MYO3B: variants seen among roughly 807,000 people sequenced by gnomAD.
The protein encoded by MYO3B is myosin-IIIb.
A neutral mutation model predicts 174.6 loss-of-function variants in MYO3B; 156 were observed. The observed-to-expected ratio is 0.89, with a 90% CI of 0.78 to 1.02. MYO3B has a LOEUF of 1.02. Ranked by LOEUF, MYO3B falls within the 50% of genes least tolerant of loss-of-function variation. MYO3B has a pLI of 0.00. For missense variants in MYO3B, 1,632 were observed against 1,639.4 expected (o/e 1.00, Z 0.08); for synonymous variants, 563 against 569.1 (o/e 0.99, Z 0.15).
At chr2:170,550,022 G>T (rs1369035356) in intron 32 of MYO3B, among the ~76,000 whole-genome samples, 1 of 152,156 alleles carries the variant, frequency 6.6e-6, no homozygotes, top group Non-Finnish European at 1.5e-5. Flanking sequence ...CAAAGGCAAG[G>T]CTACTGGGCA....
intron 8 of MYO3B, among the ~76,000 whole-genome samples, chr2:170,347,685 A>G (rs760246347): frequency 1.3e-5 from 2 of 152,230 alleles, no homozygotes; most frequent in Non-Finnish European, 2.9e-5. Flanking sequence ...GGTCTGTGAC[A>G]TATTTCAATG....
At chr2:170,638,010 A>G (rs558190877) in intron 32 of MYO3B, among the ~76,000 whole-genome samples, 40 of 152,258 alleles carry the variant, frequency 2.6e-4, no homozygotes, top group African/African-American at 8.9e-4. Context: ...TATTAATTAA[A>G]TGCAAGAAAA....
Position 170,181,549 on chromosome 2 carries a change from G to C in MYO3B, c.2+3260G>C, listed in dbSNP as rs75654542. Among the ~76,000 whole-genome samples the C allele has an allele frequency of 9.6e-3, 1,459 of 152,184 alleles. 14 individuals are homozygous for C. Among genetic ancestry groups the C allele is most frequent in the Middle Eastern group, 0.041 (12 of 294 alleles). On this transcript the variant is annotated intron_variant, in intron 1 of 34. Coordinates refer to ENST00000408978, the MANE Select transcript of MYO3B (RefSeq NM_138995.5). ...ATTCGGTTTTTCACCATTAAGTGTG[G>C]TGTTAACTTCAGGTTTTTCCTAGAT...
intron 7 of MYO3B, among the ~76,000 whole-genome samples, chr2:170,295,456 T>G (rs1041878675): frequency 1.3e-5 from 2 of 151,958 alleles, no homozygotes; most frequent in Non-Finnish European, 2.9e-5. Flanking sequence ...TATACTATAT[T>G]GATTTAACGA....
At chr2:170,259,942 A>T (rs1035664811) in intron 7 of MYO3B, among the ~76,000 whole-genome samples, 6 of 152,018 alleles carry the variant, frequency 3.9e-5, no homozygotes, top group African/African-American at 1.2e-4. Flanking sequence ...AAGAAGACAC[A>T]CAAGCAGCCA....
chr2:170,649,371 A>ATAATATATATT (rs1287096981), intron 32 of MYO3B, among the ~76,000 whole-genome samples: 4,624 of 111,900 alleles, frequency 0.041, 548 homozygotes, highest in Non-Finnish European at 0.064. Flanking sequence ...ATTATATAAA[A>ATAATATATATT]ATATAAATAT....
At chr2:170,480,041 G>GTATATATATA (rs57069590) in intron 25 of MYO3B, among the ~76,000 whole-genome samples, 1 of 146,346 alleles carries the variant, frequency 6.8e-6, no homozygotes, top group South Asian at 2.1e-4. Context: ...GTGTGTGTGT[G>GTATATATATA]TATATATATA....
intron 16 of MYO3B, among the ~76,000 whole-genome samples, chr2:170,392,863 G>GTTTTTTTT (rs5836273): frequency 0.27 from 39,744 of 149,070 alleles, 5,474 homozygotes; most frequent in Non-Finnish European, 0.32. Context: ...AATACTGTGG[G>GTTTTTTTT]TTTTTTTTCT....
intron 7 of MYO3B, among the ~76,000 whole-genome samples, chr2:170,312,691 A>G (rs765275658): frequency 1.3e-5 from 2 of 152,208 alleles, no homozygotes; most frequent in Admixed American, 1.3e-4. Context: ...CACTTTTCTG[A>G]TTATTTTGCT....
chr2:170,619,737 C>CT (rs71412032), intron 32 of MYO3B, among the ~76,000 whole-genome samples: 1,149 of 50,674 alleles, frequency 0.023, 312 homozygotes, highest in East Asian at 0.085. Flanking sequence ...CTGCCATATT[C>CT]TTTTTTTTTT....
chr2:170,450,520 G>A (rs904597742), intron 23 of MYO3B, among the ~76,000 whole-genome samples: 4 of 151,536 alleles, frequency 2.6e-5, no homozygotes, highest in Admixed American at 2.6e-4. Flanking sequence ...AAGATCCTAT[G>A]AAGACAGCAT....
In MYO3B at chr2:170,474,837, A is replaced by G. The variant is rs190202971; in HGVS notation, c.3014+8126A>G. On this transcript the variant is annotated intron_variant, in intron 25 of 34. Transcript: ENST00000408978. ...ACTATTCTGTGTCCTAGAATAAATG[A>G]CAACAGTTCAGAAAGGTTCACCTTA... Among the ~76,000 whole-genome samples, 82 of 151,596 alleles carry G rather than the reference A, an allele frequency of 5.4e-4. 1 individual carries two copies. The East Asian group carries it at 0.015, about 28-fold the overall frequency.
At chr2:170,630,594 C>T (rs1259792302) in intron 32 of MYO3B, among the ~76,000 whole-genome samples, 1 of 152,184 alleles carries the variant, frequency 6.6e-6, no homozygotes, top group Non-Finnish European at 1.5e-5. Context: ...TAGCCTGCCT[C>T]CTCAAGTGGG....
intron 32 of MYO3B, among the ~76,000 whole-genome samples, chr2:170,627,370 C>A (rs920386322): frequency 7.2e-5 from 11 of 152,152 alleles, no homozygotes; most frequent in African/African-American, 2.7e-4. Flanking sequence ...GCATTCATCA[C>A]GTAGTTCTCT....
intron 32 of MYO3B, among the ~76,000 whole-genome samples, chr2:170,623,966 G>C (rs1170291970): frequency 3.3e-5 from 5 of 152,146 alleles, no homozygotes; most frequent in Admixed American, 2.6e-4. Context: ...TGCTATTTTG[G>C]TTACTGTAGC....
At chr2:170,556,585 G>C (rs1403711988) in intron 32 of MYO3B, among the ~76,000 whole-genome samples, 1 of 151,898 alleles carries the variant, frequency 6.6e-6, no homozygotes, top group Non-Finnish European at 1.5e-5. Flanking sequence ...ACAATGGCAC[G>C]ATCTTGGCTC....
intron 32 of MYO3B, among the ~76,000 whole-genome samples, chr2:170,586,386 G>A (rs1485054855): frequency 2.0e-5 from 3 of 152,164 alleles, no homozygotes; most frequent in African/African-American, 4.8e-5. Context: ...CCTCACCAAC[G>A]TGATTTATGT....
At chr2:170,263,711 C>T (rs779023326) in intron 7 of MYO3B, among the ~76,000 whole-genome samples, 16 of 152,198 alleles carry the variant, frequency 1.1e-4, no homozygotes, top group South Asian at 6.3e-4. Flanking sequence ...AACATACAAT[C>T]GGGTTTTACA....
intron 32 of MYO3B, among the ~76,000 whole-genome samples, chr2:170,598,209 C>T (rs1316991391): frequency 6.6e-6 from 1 of 152,190 alleles, no homozygotes; most frequent in Non-Finnish European, 1.5e-5. Flanking sequence ...GGAGAAAACG[C>T]AGTGCTCCTG....
Sources: gnomAD v4.1 joint callset for allele counts (sites outside exome capture counted in the v4.1 genomes callset) on GRCh38, gnomAD v4.1.1 for gene constraint, MANE v1.5 for transcripts, NCBI Gene and HGNC (gene_info 2026-07-23, HGNC 2026-07-21) for gene names.